The following LRRC7 variants were observed in gnomAD, a reference collection of about 807,000 sequenced individuals.
LRRC7 encodes the protein leucine rich repeat containing 7.
In LRRC7, 23 loss-of-function variants were observed where a neutral mutation model predicts 175.7. The observed-to-expected ratio is 0.13, with a 90% CI of 0.09 to 0.19. The LOEUF (loss-of-function observed/expected upper bound fraction) is 0.19, where lower values mean the gene tolerates loss of function less well. Ranked by LOEUF, LRRC7 falls within the 10% of genes least tolerant of loss-of-function variation. LRRC7 has a pLI of 1.00. For missense variants in LRRC7, 1,354 were observed against 1,904.7 expected (o/e 0.71, Z 5.38); for synonymous variants, 685 against 680.9 (o/e 1.01, Z -0.09).
At chr1:69,864,633 A>G (rs2101548890) in intron 7 of LRRC7, among the ~76,000 whole-genome samples, 1 of 152,314 alleles carries the variant, frequency 6.6e-6, no homozygotes, top group African/African-American at 2.4e-5. Flanking sequence ...TAACATGGCA[A>G]TTAAATCAGC....
At chr1:69,814,323 A>G (rs1377222785) in intron 4 of LRRC7, among the ~76,000 whole-genome samples, 2 of 152,154 alleles carry the variant, frequency 1.3e-5, no homozygotes, top group Non-Finnish European at 2.9e-5. Flanking sequence ...CATATTGCTT[A>G]ATACAGCTTC....
At chr1:69,929,088 C>T (rs963241582) in intron 7 of LRRC7, among the ~76,000 whole-genome samples, 34 of 152,138 alleles carry the variant, frequency 2.2e-4, no homozygotes, top group Admixed American at 2.0e-4. Flanking sequence ...CTCTTTTTAT[C>T]TACATTCATG....
At chr1:70,109,989 A>G (rs964743221) in intron 26 of LRRC7, among the ~76,000 whole-genome samples, 1 of 152,242 alleles carries the variant, frequency 6.6e-6, no homozygotes, top group Non-Finnish European at 1.5e-5. Context: ...CCATGACAGA[A>G]GCAAAATAAA....
intron 7 of LRRC7, among the ~76,000 whole-genome samples, chr1:69,850,431 G>A (rs1266886428): frequency 6.6e-6 from 1 of 152,070 alleles, no homozygotes; most frequent in South Asian, 2.1e-4. Context: ...GGAAACATGT[G>A]ATTTGATCTT....
intron 7 of LRRC7, among the ~76,000 whole-genome samples, chr1:69,875,200 T>C (rs183485191): frequency 1.5e-4 from 23 of 152,146 alleles, no homozygotes; most frequent in Non-Finnish European, 2.8e-4. Flanking sequence ...GTTTTGACTT[T>C]ATGATGTTCT....
chr1:70,110,474 G>C (rs560641580), intron 26 of LRRC7, among the ~76,000 whole-genome samples: 1 of 152,264 alleles, frequency 6.6e-6, no homozygotes, highest in South Asian at 2.1e-4. Context: ...TTATATGTGG[G>C]GACGTGAGGG....
At chr1:70,058,960 T>C (rs984885381) in intron 23 of LRRC7, among the ~76,000 whole-genome samples, 2 of 128,270 alleles carry the variant, frequency 1.6e-5, no homozygotes, top group East Asian at 5.6e-4. Flanking sequence ...AAATGTTAAA[T>C]TAAAGGATAA....
intron 11 of LRRC7, among the ~76,000 whole-genome samples, chr1:69,998,139 T>C (rs1655181675): frequency 6.6e-6 from 1 of 152,212 alleles, no homozygotes; most frequent in South Asian, 2.1e-4. Flanking sequence ...TAAATAGCTT[T>C]ATTAAGTATA....
intron 1 of LRRC7, among the ~76,000 whole-genome samples, chr1:69,631,569 C>T (rs1474435068): frequency 6.6e-6 from 1 of 152,018 alleles, no homozygotes; most frequent in Non-Finnish European, 1.5e-5. Context: ...CAAGGTCCTC[C>T]CCCGACAGTC....
intron 3 of LRRC7, among the ~76,000 whole-genome samples, chr1:69,767,700 G>T (rs1671775550): frequency 6.6e-6 from 1 of 152,096 alleles, no homozygotes; most frequent in Non-Finnish European, 1.5e-5. Flanking sequence ...AGCCTCAAGT[G>T]ATCCTACTGC....
At chr1:69,624,440 G>A (rs1234060743) in intron 1 of LRRC7, among the ~76,000 whole-genome samples, 2 of 151,756 alleles carry the variant, frequency 1.3e-5, no homozygotes, top group Non-Finnish European at 1.5e-5. Context: ...TTGATTATTT[G>A]CAAATATCTT....
intron 8 of LRRC7, among the ~76,000 whole-genome samples, chr1:69,970,691 A>G (rs1422001331): frequency 6.6e-6 from 1 of 152,216 alleles, no homozygotes; most frequent in African/African-American, 2.4e-5. Context: ...GCAGAATTCT[A>G]CCAGACATTC....
At chr1:69,590,791 G>C (rs957653227) in intron 1 of LRRC7, among the ~76,000 whole-genome samples, 1 of 152,050 alleles carries the variant, frequency 6.6e-6, no homozygotes, top group Non-Finnish European at 1.5e-5. Context: ...GTCCAGGCTT[G>C]ATATCAAATA....
At chr1:69,867,861 G>A (rs1685108381) in intron 7 of LRRC7, among the ~76,000 whole-genome samples, 1 of 151,944 alleles carries the variant, frequency 6.6e-6, no homozygotes, top group Non-Finnish European at 1.5e-5. Context: ...GATAGGACAG[G>A]TACTAGATTA....
chr1:69,999,449 A>G (rs1027009340), intron 11 of LRRC7, among the ~76,000 whole-genome samples: 3 of 152,208 alleles, frequency 2.0e-5, no homozygotes, highest in African/African-American at 7.2e-5. Context: ...CAGAAGCAGT[A>G]TTTCAAAAGA....
intron 1 of LRRC7, among the ~76,000 whole-genome samples, chr1:69,615,240 C>T (rs958225151): frequency 1.3e-5 from 2 of 152,058 alleles, no homozygotes; most frequent in Admixed American, 1.3e-4. Flanking sequence ...TTATTTCCAT[C>T]TCCCTTTCCT....
At chr1:70,009,642 T>A (rs191641062) in intron 11 of LRRC7, among the ~76,000 whole-genome samples, 1 of 152,332 alleles carries the variant, frequency 6.6e-6, no homozygotes, top group East Asian at 1.9e-4. Context: ...CAGGCATTAT[T>A]AGTATCCTCA....
intron 3 of LRRC7, among the ~76,000 whole-genome samples, chr1:69,781,629 C>G (rs1371389625): frequency 6.8e-6 from 1 of 147,280 alleles, no homozygotes; most frequent in Non-Finnish European, 1.5e-5. Context: ...TTGCAGTGAG[C>G]TGAGATCATG....
In LRRC7 at chr1:70,128,976, T is replaced by C. The variant is rs188895628; in HGVS notation, c.*7089T>C. On this transcript the variant is annotated 3_prime_UTR_variant, in exon 27 of 27. Transcript: ENST00000651989. ...AAGAGTGTCACGAAGCCGGGTGCGG[T>C]GACTTATGCCTGTAATCCCAGCACT... is the stretch of plus-strand genomic sequence containing the variant. 6.0e-4 allele frequency among the ~76,000 whole-genome samples: 92 copies of C among 152,128 alleles called. No homozygotes were observed. Among genetic ancestry groups the C allele is most frequent in the Non-Finnish European group, 1.2e-3 (83 of 67,982 alleles).
Sources: allele counts gnomAD v4.1 joint callset (sites outside exome capture counted in the v4.1 genomes callset), GRCh38; gene constraint gnomAD v4.1.1; transcripts MANE v1.5; gene names NCBI Gene and HGNC (gene_info 2026-07-23, HGNC 2026-07-21).